ZC3H18: variants seen among roughly 807,000 people sequenced by gnomAD.
ZC3H18 encodes the protein zinc finger CCCH domain-containing protein 18.
ZC3H18 carries 8 observed loss-of-function variants against 106.1 expected under a neutral mutation model. The ratio of observed to expected loss-of-function variants is 0.08; its 90% confidence interval spans 0.04 to 0.14. ZC3H18 has a LOEUF of 0.14. ZC3H18 is among the 10% of genes least tolerant of loss of function. ZC3H18 has a pLI of 1.00. For synonymous variants in ZC3H18, 635 were observed against 522.1 expected (o/e 1.22, Z -2.95); for missense variants, 1,318 against 1,278.4 (o/e 1.03, Z -0.47).
intron 6 of ZC3H18, among the ~76,000 whole-genome samples, chr16:88,607,194 G>A (rs774246533): frequency 6.6e-6 from 1 of 152,174 alleles, no homozygotes; most frequent in African/African-American, 2.4e-5. Flanking sequence ...CTCTCTGGGC[G>A]TGCCTGGGTC....
intron 2 of ZC3H18, among the ~76,000 whole-genome samples, chr16:88,579,636 A>G (rs1914987227): frequency 6.6e-6 from 1 of 152,182 alleles, no homozygotes; most frequent in Non-Finnish European, 1.5e-5. Flanking sequence ...GACACAGCAC[A>G]TGGAAGAAAA....
chr16:88,587,311 A>G (rs1429324031), intron 3 of ZC3H18, among the ~76,000 whole-genome samples: 1 of 152,176 alleles, frequency 6.6e-6, no homozygotes, highest in Admixed American at 6.5e-5. Context: ...TTCGCTGCTT[A>G]ATGTCTTGGG....
At chr16:88,599,731 T>G in intron 5 of ZC3H18, 60 bp from the exon 6 acceptor site, 1 of 1,556,982 alleles carries the variant, frequency 6.4e-7, no homozygotes, top group African/African-American at 1.4e-5. Context: ...CCTTTGTGTT[T>G]CCTAACAGCG....
intron 7 of ZC3H18, among the ~76,000 whole-genome samples, chr16:88,609,766 A>C (rs979370641): frequency 6.7e-6 from 1 of 149,856 alleles, no homozygotes; most frequent in Non-Finnish European, 1.5e-5. Flanking sequence ...CACCTGGCTA[A>C]TTTTTTGTAT....
At chr16:88,607,445 A>G (rs1019136286) in intron 6 of ZC3H18, among the ~76,000 whole-genome samples, 1 of 152,138 alleles carries the variant, frequency 6.6e-6, no homozygotes, top group Non-Finnish European at 1.5e-5. Context: ...ATTGTGTTAA[A>G]TTTATCAGTC....
intron 8 of ZC3H18, among the ~76,000 whole-genome samples, chr16:88,612,320 A>T (rs1188330199): frequency 2.6e-5 from 4 of 152,018 alleles, no homozygotes; most frequent in Non-Finnish European, 4.4e-5. Flanking sequence ...TGGTTTCTAG[A>T]ATATTCACAG....
At chr16:88,579,220 A>G (rs1914958216) in intron 2 of ZC3H18, among the ~76,000 whole-genome samples, 1 of 152,142 alleles carries the variant, frequency 6.6e-6, no homozygotes, top group South Asian at 2.1e-4. Flanking sequence ...GCTTTTTGCA[A>G]GAGGAGACCT....
At chr16:88,600,017 A>T (rs1170499514) in intron 6 of ZC3H18, 69 bp downstream of exon 6, 1 of 1,578,016 alleles carries the variant, frequency 6.3e-7, no homozygotes. Flanking sequence ...GAGAGCAGCC[A>T]TGTGCAGGGC....
At chr16:88,579,791 C>T (rs911028578) in intron 2 of ZC3H18, among the ~76,000 whole-genome samples, 11 of 152,204 alleles carry the variant, frequency 7.2e-5, no homozygotes, top group Non-Finnish European at 1.5e-4. Flanking sequence ...GTTTCTTCCA[C>T]CGCACAGACT....
At chr16:88,594,622 CAG>C (rs1423522246) in intron 3 of ZC3H18, among the ~76,000 whole-genome samples, 1 of 152,212 alleles carries the variant, frequency 6.6e-6, no homozygotes, top group East Asian at 1.9e-4. Context: ...AGGTTCAGCA[CAG>C]AGCATAATAT....
rs114741659 is a variant in ZC3H18 at position 88,574,237 on chromosome 16, C to T, written c.-14-2873C>T. On this transcript the variant is annotated intron_variant, in intron 1 of 17. Transcript: ENST00000301011. ...TGAATTTTCTTTTGAGACGGAGTCT[C>T]GCTTAGCCACCACCTAGGCTGGAGT... 7.7e-4 allele frequency among the ~76,000 whole-genome samples: 117 copies of T among 151,990 alleles called. 1 individual carries two copies. Among genetic ancestry groups the T allele is most frequent in the African/African-American group, 2.6e-3 (109 of 41,480 alleles).
chr16:88,578,044 T>G (rs1914872802), intron 2 of ZC3H18, among the ~76,000 whole-genome samples: 1 of 152,230 alleles, frequency 6.6e-6, no homozygotes, highest in African/African-American at 2.4e-5. Flanking sequence ...AATGAAGGGT[T>G]AATGTCTGTC....
Position 88,624,487 on chromosome 16 carries a change from G to A in ZC3H18, c.1899-115G>A, listed in dbSNP as rs183373776. ...GTGTCCAGGCACGAGCGTGCTCACC[G>A]AGCGTCACAGGCATGCAGTGTCGTT... On this transcript the variant is annotated intron_variant, in intron 11 of 17. Coordinates refer to ENST00000301011, the MANE Select transcript of ZC3H18 (RefSeq NM_144604.4). 44 of 1,515,316 alleles carry A rather than the reference G, an allele frequency of 2.9e-5. No individual in the cohort carries two copies. In the Admixed American group the frequency reaches 4.7e-4, roughly 16 times the overall value. 93.9% of individuals were successfully genotyped at this position (1,515,316 alleles called of 1,614,324 possible).
chr16:88,581,731 C>T (rs1360569946), intron 2 of ZC3H18, among the ~76,000 whole-genome samples: 2 of 152,192 alleles, frequency 1.3e-5, no homozygotes, highest in Non-Finnish European at 2.9e-5. Context: ...CCAAAGAGTG[C>T]GTGGAGCCCA....
chr16:88,612,104 C>A (rs370661549), intron 8 of ZC3H18, among the ~76,000 whole-genome samples: 3 of 152,266 alleles, frequency 2.0e-5, no homozygotes, highest in African/African-American at 7.2e-5. Context: ...CTGCTGGGGG[C>A]ACAGTCAAGA....
intron 6 of ZC3H18, among the ~76,000 whole-genome samples, chr16:88,604,065 T>C (rs994171692): frequency 1.3e-5 from 2 of 152,142 alleles, no homozygotes; most frequent in Non-Finnish European, 2.9e-5. Context: ...ACCTCACATA[T>C]TGGCTGGATA....
intron 6 of ZC3H18, among the ~76,000 whole-genome samples, chr16:88,606,719 A>G (rs1050295249): frequency 3.3e-5 from 5 of 152,154 alleles, no homozygotes; most frequent in African/African-American, 1.2e-4. Context: ...GGTCTCTACA[A>G]ATGTTTCCTG....
At chr16:88,597,754 T>C (rs1904515627) in intron 3 of ZC3H18, among the ~76,000 whole-genome samples, 1 of 152,260 alleles carries the variant, frequency 6.6e-6, no homozygotes, top group Non-Finnish European at 1.5e-5. Context: ...TGCAGGCTTC[T>C]GATCATTGTT....
At chr16:88,572,783 A>T (rs1348956453) in intron 1 of ZC3H18, among the ~76,000 whole-genome samples, 1 of 151,748 alleles carries the variant, frequency 6.6e-6, no homozygotes, top group South Asian at 2.1e-4. Context: ...TTTGAAACGG[A>T]GTCTCACTCT....
Sources: allele counts gnomAD v4.1 joint callset (sites outside exome capture counted in the v4.1 genomes callset), GRCh38; gene constraint gnomAD v4.1.1; transcripts MANE v1.5; gene names NCBI Gene and HGNC (gene_info 2026-07-23, HGNC 2026-07-21).